Variants in SAMD3 observed in about 807,000 individuals in gnomAD.
SAMD3 encodes sterile alpha motif domain-containing protein 3.
In SAMD3, 63 loss-of-function variants were observed where a neutral mutation model predicts 58.5. The observed-to-expected ratio is 1.08, with a 90% CI of 0.88 to 1.33. SAMD3 has a LOEUF of 1.33. Ranked by LOEUF, SAMD3 falls within the 40% of genes most tolerant of loss-of-function variation. The pLI is 0.00. For missense variants in SAMD3, 604 were observed against 608.4 expected (o/e 0.99, Z 0.08); for synonymous variants, 220 against 210.3 (o/e 1.05, Z -0.40).
chr6:130,159,469 G>C (rs1251858070), intron 8 of SAMD3: 1 of 152,272 alleles, frequency 6.6e-6, no homozygotes, highest in Non-Finnish European at 1.5e-5. Flanking sequence ...AGGCGGGTGG[G>C]AGATTGCAAA....
At position 130,144,566 on chromosome 6, in the gene SAMD3, A is replaced by G. The variant is rs1318567163; in HGVS notation, c.1517T>C (p.Leu506Ser). 1 of 1,613,894 alleles carries G rather than the reference A, an allele frequency of 6.2e-7. No homozygotes were observed. Among genetic ancestry groups the G allele is most frequent in the Non-Finnish European group, 8.5e-7 (1 of 1,179,864 alleles). Reference sequence around the variant, plus strand: ...TCCTACTTCGTTTTCCTTTTCTTTCAAAGAAGGAAAATAAGGACTGTGCAT... The same window carrying G: ...TCCTACTTCGTTTTCCTTTTCTTTCGAAGAAGGAAAATAAGGACTGTGCAT... ...FDMHSPYFPS[L>S]KEKENEVGFQ... Residue 506 changes from leucine (L) to serine (S), a missense_variant, in exon 12 of 12, where the codon TTG (leucine) becomes TCG (serine). Leu to Ser is a moderately radical substitution (Grantham distance 145, BLOSUM62 -2). Coordinates refer to ENST00000439090, the MANE Select transcript of SAMD3 (RefSeq NM_001017373.4).
chr6:130,333,405 C>T (rs936396575), intron 1 of SAMD3, among the ~76,000 whole-genome samples: 6 of 152,130 alleles, frequency 3.9e-5, no homozygotes, highest in African/African-American at 1.4e-4. Flanking sequence ...ATTGCTCCAC[C>T]TTCTCCTCAG....
intron 2 of SAMD3, among the ~76,000 whole-genome samples, chr6:130,251,131 G>T (rs1333798817): frequency 6.6e-6 from 1 of 152,270 alleles, no homozygotes; most frequent in South Asian, 2.1e-4. Context: ...AGCCATCCAA[G>T]TGGGCATAAA....
chr6:130,322,684 G>C (rs746626190), intron 1 of SAMD3, among the ~76,000 whole-genome samples: 2 of 152,150 alleles, frequency 1.3e-5, no homozygotes, highest in Non-Finnish European at 2.9e-5. Context: ...GTTTTATGTG[G>C]GATCAATGGT....
chr6:130,184,162 CA>C lies in SAMD3; in HGVS notation c.594del (p.Asn198LysfsTer39). On this transcript the variant is annotated frameshift_variant, in exon 7 of 12. Transcript: ENST00000439090. LOFTEE classifies it high-confidence loss of function. ...GCCTGCAGCAGGGCATTAACCACGT[CA>C]TTGTACTGCTGGGTGCTGGGGTACC... ...GSLYPSTQQYNDVVNALLQAH... is the reference protein window; with the variant it reads ...GSLYPSTQQYXDVVNALLQAH... 1 of 1,613,832 alleles carries C rather than the reference CA, an allele frequency of 6.2e-7. No individual in the cohort carries two copies. Among genetic ancestry groups the C allele is most frequent in the Non-Finnish European group, 8.5e-7 (1 of 1,179,854 alleles).
intron 1 of SAMD3, among the ~76,000 whole-genome samples, chr6:130,321,747 G>A (rs866768604): frequency 2.0e-5 from 3 of 151,856 alleles, no homozygotes; most frequent in Non-Finnish European, 2.9e-5. Flanking sequence ...TCTAGGGCCC[G>A]AAACACTGCC....
chr6:130,252,488 A>G (rs1773771495), intron 2 of SAMD3, among the ~76,000 whole-genome samples: 1 of 152,208 alleles, frequency 6.6e-6, no homozygotes, highest in Non-Finnish European at 1.5e-5. Flanking sequence ...GAGTAAACCA[A>G]GTAGCTGCAA....
chr6:130,211,243 G>T (rs1795524161), intron 4 of SAMD3, among the ~76,000 whole-genome samples: 2 of 149,382 alleles, frequency 1.3e-5, no homozygotes, highest in Admixed American at 6.7e-5. Flanking sequence ...CCTTTCTATT[G>T]ATAATAATTC....
rs923128077 is a variant in SAMD3 at position 130,201,330 on chromosome 6, TA to T, written c.383+8164del. ...TACATTATAATTACTTGTGGAACCT[TA>T]AAAAAAATACTGATGCACAAGTCTC... On this transcript the variant is annotated intron_variant, in intron 5 of 11. Coordinates refer to ENST00000439090, the MANE Select transcript of SAMD3 (RefSeq NM_001017373.4). Among the ~76,000 whole-genome samples the T allele has an allele frequency of 2.6e-5, 4 of 152,026 alleles. No individual in the cohort carries two copies. In the East Asian group the frequency reaches 5.8e-4, roughly 22 times the overall value.
intron 1 of SAMD3, among the ~76,000 whole-genome samples, chr6:130,315,839 T>C (rs1408418390): frequency 6.6e-6 from 1 of 152,214 alleles, no homozygotes; most frequent in African/African-American, 2.4e-5. Context: ...ATTAATTCTA[T>C]AACGATGAGC....
intron 5 of SAMD3, among the ~76,000 whole-genome samples, chr6:130,206,880 T>A (rs1259983723): frequency 6.6e-6 from 1 of 152,052 alleles, no homozygotes; most frequent in Non-Finnish European, 1.5e-5. Context: ...ATTGGAATAA[T>A]AACCCTGCCT....
At chr6:130,207,043 A>G (rs7772936) in intron 5 of SAMD3, among the ~76,000 whole-genome samples, 121,042 of 151,484 alleles carry the variant, frequency 0.8, 48,971 homozygotes, top group African/African-American at 0.92. Context: ...CAGCTACTCC[A>G]AAGGCTAAGG....
At chr6:130,294,284 C>A (rs1268886370) in intron 2 of SAMD3, among the ~76,000 whole-genome samples, 1 of 151,852 alleles carries the variant, frequency 6.6e-6, no homozygotes, top group Non-Finnish European at 1.5e-5. Context: ...TTGTTTAAAG[C>A]AAAGCAAGCC....
intron 8 of SAMD3, chr6:130,162,043 CACCTTTGA>C: frequency 4.3e-6 from 2 of 464,270 alleles, no homozygotes; most frequent in South Asian, 4.3e-5. Context: ...GTGTAGGACT[CACCTTTGA>C]GATGTGTGAC....
chr6:130,175,365 G>T (rs559824878), intron 8 of SAMD3, among the ~76,000 whole-genome samples: 2 of 152,288 alleles, frequency 1.3e-5, no homozygotes, highest in South Asian at 2.1e-4. Flanking sequence ...CTGGGTTGGG[G>T]TGGAAAGGCT....
At chr6:130,335,903 C>G (rs1156828240) in intron 1 of SAMD3, among the ~76,000 whole-genome samples, 3 of 151,984 alleles carry the variant, frequency 2.0e-5, no homozygotes, top group Non-Finnish European at 4.4e-5. Flanking sequence ...TCTCAGTAAA[C>G]TATCGCAAGA....
At chr6:130,251,933 C>T (rs896697290) in intron 2 of SAMD3, among the ~76,000 whole-genome samples, 3 of 151,604 alleles carry the variant, frequency 2.0e-5, no homozygotes, top group Admixed American at 2.0e-4. Context: ...GAGTTTATAG[C>T]ATTGTTTAAG....
rs539545402 is a variant in SAMD3, at chr6:130,152,107, G to GCCCACCCC, written c.1023+2710_1023+2717dup. On this transcript the variant is annotated intron_variant, in intron 9 of 11. Coordinates refer to ENST00000439090, the MANE Select transcript of SAMD3 (RefSeq NM_001017373.4). ...GTCAGTGTTAACAGCCAGGACCACC[G>GCCCACCCC]CCCACCCCGGCTGCTGCTGTTCTGC... Among the ~76,000 whole-genome samples the GCCCACCCC allele has an allele frequency of 8.1e-3, 1,229 of 152,130 alleles. 8 individuals are homozygous for GCCCACCCC. Among genetic ancestry groups the GCCCACCCC allele is most frequent in the South Asian group, 0.023 (112 of 4,792 alleles).
chr6:130,196,711 T>C (rs1004425146), intron 5 of SAMD3, among the ~76,000 whole-genome samples: 7 of 152,184 alleles, frequency 4.6e-5, no homozygotes, highest in Non-Finnish European at 7.3e-5. Context: ...TCCCTACACA[T>C]CAAGCTTGAG....
Sources: gnomAD v4.1 joint callset for allele counts (sites outside exome capture counted in the v4.1 genomes callset) on GRCh38, gnomAD v4.1.1 for gene constraint, MANE v1.5 for transcripts, NCBI Gene and HGNC (gene_info 2026-07-23, HGNC 2026-07-21) for gene names.